Variants in TSC22D1 observed in about 807,000 individuals in gnomAD.
TSC22D1 encodes TSC22 domain family protein 1.
A neutral mutation model predicts 74.2 loss-of-function variants in TSC22D1; 9 were observed. The ratio of observed to expected loss-of-function variants is 0.12; its 90% confidence interval spans 0.07 to 0.21. The LOEUF (loss-of-function observed/expected upper bound fraction) is 0.21. TSC22D1 is among the 10% of genes least tolerant of loss of function. The pLI, the probability that TSC22D1 is intolerant of heterozygous loss-of-function variation, is 1.00. For missense variants in TSC22D1, 1,427 were observed against 1,304.7 expected, an observed-to-expected ratio of 1.09 and a Z score of -1.44; for synonymous variants, 586 against 492.5, an observed-to-expected ratio of 1.19 and a Z score of -2.51.
chr13:44,527,038 T>A (rs1275012620), intron 1 of TSC22D1, among the ~76,000 whole-genome samples: 1 of 152,076 alleles, frequency 6.6e-6, no homozygotes, highest in Non-Finnish European at 1.5e-5. Flanking sequence ...AAGATTGAAG[T>A]TAAATATTTA....
chr13:44,566,278 T>G, intron 1 of TSC22D1, among the ~76,000 whole-genome samples: 1 of 152,194 alleles, frequency 6.6e-6, no homozygotes, highest in East Asian at 1.9e-4. Context: ...ATCCTAGCTC[T>G]GCTTTACTGC....
chr13:44,436,106 G>A lies in TSC22D1; in HGVS notation c.2913-11C>T. ...CTTGCACCAGAGGAGCTGAAAAAGAGGAGGGAAAAAGGTCATCGATAAATG... is the reference window on the plus strand; with the variant it reads ...CTTGCACCAGAGGAGCTGAAAAAGAAGAGGGAAAAAGGTCATCGATAAATG... On this transcript the variant is annotated splice_polypyrimidine_tract_variant and intron_variant, in intron 1 of 2. Coordinates refer to ENST00000458659, the MANE Select transcript of TSC22D1 (RefSeq NM_183422.4). 6.2e-7 allele frequency: 1 copy of A among 1,609,590 alleles called. No individual in the cohort carries two copies. The highest frequency in any genetic ancestry group is 1.3e-5 in the African/African-American group (1 of 74,676).
In TSC22D1 at chr13:44,434,821, T is replaced by C. The variant is rs1874401036; in HGVS notation, c.3027A>G (p.Gln1009=). 4.3e-6 allele frequency: 7 copies of C among 1,614,060 alleles called. No homozygotes were observed. Among genetic ancestry groups the C allele is most frequent in the Non-Finnish European group, 5.9e-6 (7 of 1,180,028 alleles). Residue 1009 remains glutamine, a synonymous_variant, in exon 3 of 3, where the codon CAA becomes CAG. Coordinates refer to ENST00000458659, the MANE Select transcript of TSC22D1 (RefSeq NM_183422.4). ...AATTTTTCTCTATTAGTTCTTTGAT[T>C]TGCTCTTTGAGGACCTCCACTTCTT... ...VREEVEVLKE[Q]IKELIEKNSQ...
intron 1 of TSC22D1, among the ~76,000 whole-genome samples, chr13:44,450,731 T>C (rs1466789666): frequency 6.6e-6 from 1 of 152,168 alleles, no homozygotes; most frequent in East Asian, 1.9e-4. Flanking sequence ...GGGTATAACA[T>C]TGATAGGCCT....
chr13:44,572,000 A>G (rs1266898170), intron 1 of TSC22D1, among the ~76,000 whole-genome samples: 1 of 152,188 alleles, frequency 6.6e-6, no homozygotes, highest in African/African-American at 2.4e-5. Context: ...AAAACCCACA[A>G]ACATACATAT....
chr13:44,576,386 G>A, upstream of TSC22D1: 1 of 295,072 alleles, frequency 3.4e-6, no homozygotes, highest in Non-Finnish European at 6.3e-6. Context: ...TGCGGGGCAG[G>A]AGGGAGGGGG....
chr13:44,490,703 G>A (rs1205885778), intron 1 of TSC22D1, among the ~76,000 whole-genome samples: 4 of 151,888 alleles, frequency 2.6e-5, no homozygotes, highest in Non-Finnish European at 5.9e-5. Context: ...TTCGAGACCA[G>A]CCTGACCAAT....
chr13:44,465,393 G>A (rs1168532431), intron 1 of TSC22D1, among the ~76,000 whole-genome samples: 1 of 152,184 alleles, frequency 6.6e-6, no homozygotes, highest in East Asian at 1.9e-4. Context: ...ACACGAGCAT[G>A]ACAATGATGA....
At chr13:44,563,632 C>T (rs1031816719) in intron 1 of TSC22D1, among the ~76,000 whole-genome samples, 1 of 152,140 alleles carries the variant, frequency 6.6e-6, no homozygotes, top group African/African-American at 2.4e-5. Context: ...AATATTCTCC[C>T]ACCTGACACA....
intron 1 of TSC22D1, 121 bp from the exon 2 acceptor site, chr13:44,436,216 T>A: frequency 8.7e-7 from 1 of 1,149,290 alleles, no homozygotes; most frequent in Non-Finnish European, 1.2e-6. Context: ...TATTTAACAC[T>A]ATGTAATGTA....
intron 1 of TSC22D1, among the ~76,000 whole-genome samples, chr13:44,444,317 AAGAAAAAG>A (rs1330380130): frequency 6.2e-5 from 8 of 129,582 alleles, no homozygotes; most frequent in African/African-American, 2.0e-4. Flanking sequence ...AAGAAAAGAA[AAGAAAAAG>A]AAAAAAAAAC....
intron 1 of TSC22D1, among the ~76,000 whole-genome samples, chr13:44,451,080 G>A (rs773060639): frequency 2.5e-4 from 38 of 152,206 alleles, no homozygotes; most frequent in Non-Finnish European, 4.7e-4. Flanking sequence ...AGGGAGCGGG[G>A]AAATGAAGAG....
chr13:44,451,224 C>G (rs1280965818), intron 1 of TSC22D1, among the ~76,000 whole-genome samples: 1 of 152,212 alleles, frequency 6.6e-6, no homozygotes, highest in Admixed American at 6.5e-5. Flanking sequence ...CAGAAACAGA[C>G]AGACGGCAGC....
At chr13:44,560,622 ACTTGT>A (rs2138195158) in intron 1 of TSC22D1, among the ~76,000 whole-genome samples, 1 of 152,292 alleles carries the variant, frequency 6.6e-6, no homozygotes, top group South Asian at 2.1e-4. Context: ...GTATGAAACA[ACTTGT>A]CTTATTTTAG....
intron 1 of TSC22D1, among the ~76,000 whole-genome samples, chr13:44,442,161 G>A (rs1875257721): frequency 6.6e-6 from 1 of 152,152 alleles, no homozygotes; most frequent in Non-Finnish European, 1.5e-5. Flanking sequence ...AGTTTAAAAG[G>A]AAGCCCTGAA....
At chr13:44,469,809 A>C (rs1000956337) in intron 1 of TSC22D1, among the ~76,000 whole-genome samples, 2 of 152,200 alleles carry the variant, frequency 1.3e-5, no homozygotes, top group Non-Finnish European at 2.9e-5. Flanking sequence ...AAAAAGTTCT[A>C]CTACCAAGCA....
At chr13:44,450,915 C>A (rs1350879421) in intron 1 of TSC22D1, among the ~76,000 whole-genome samples, 1 of 152,168 alleles carries the variant, frequency 6.6e-6, no homozygotes, top group African/African-American at 2.4e-5. Context: ...CACACTGGGG[C>A]AGCCGTTTGG....
chr13:44,558,829 G>A (rs927067539), intron 1 of TSC22D1, among the ~76,000 whole-genome samples: 9 of 152,116 alleles, frequency 5.9e-5, no homozygotes, highest in African/African-American at 1.4e-4. Context: ...TATCATGATC[G>A]TTATTATGGG....
At chr13:44,492,712 G>A (rs1878783636) in intron 1 of TSC22D1, among the ~76,000 whole-genome samples, 1 of 152,096 alleles carries the variant, frequency 6.6e-6, no homozygotes, top group Non-Finnish European at 1.5e-5. Flanking sequence ...GGGCTGGGAG[G>A]AATACAATAT....
Sources: allele counts gnomAD v4.1 joint callset (sites outside exome capture counted in the v4.1 genomes callset), GRCh38; gene constraint gnomAD v4.1.1; transcripts MANE v1.5; gene names NCBI Gene and HGNC (gene_info 2026-07-23, HGNC 2026-07-21).